MATR3: variants seen among roughly 807,000 people sequenced by gnomAD.
The protein encoded by MATR3 is matrin 3, also known as matrin-3.
Under a neutral mutation model 85.5 loss-of-function variants are expected in MATR3, and 4 were observed. The ratio of observed to expected loss-of-function variants is 0.05; its 90% confidence interval spans 0.02 to 0.11. The LOEUF (loss-of-function observed/expected upper bound fraction) is 0.11. Ranked by LOEUF, MATR3 falls within the 10% of genes least tolerant of loss-of-function variation. The pLI, the probability that MATR3 is intolerant of heterozygous loss-of-function variation, is 1.00. For missense variants in MATR3, 685 were observed against 1,016.1 expected, an observed-to-expected ratio of 0.67 and a Z score of 4.43; for synonymous variants, 336 against 343.1, an observed-to-expected ratio of 0.98 and a Z score of 0.23.
In MATR3 at chr5:139,325,154, C is replaced by T; in HGVS notation, c.2149-286C>T. 12 of 1,185,706 alleles carry T rather than the reference C, an allele frequency of 1.0e-5. No homozygotes were observed. In the East Asian group the frequency reaches 1.0e-4, roughly 10 times the overall value. 73.4% of individuals were successfully genotyped at this position (1,185,706 alleles called of 1,614,324 possible). A position where few individuals can be genotyped will look rare whatever the true frequency, so the allele number is the denominator to read the frequency against. ...GTTGCAGTGAGCCGAGATCGCGCCA[C>T]TGCACCCCAGCCTGGTCGACAGAGC... is the stretch of plus-strand genomic sequence containing the variant. On this transcript the variant is annotated intron_variant, in intron 12 of 14. Coordinates refer to ENST00000394805, the MANE Select transcript of MATR3 (RefSeq NM_018834.6).
intron 1 of MATR3, chr5:139,299,815 A>AG (rs748535284): frequency 1.3e-5 from 2 of 152,154 alleles, no homozygotes; most frequent in African/African-American, 2.4e-5. Context: ...AAAAAGCAGG[A>AG]GGACTAAGAT....
intron 5 of MATR3, 137 bp downstream of exon 5, chr5:139,316,325 A>C (rs1039957405): frequency 2.5e-5 from 17 of 675,920 alleles, no homozygotes; most frequent in Non-Finnish European, 4.0e-5. Context: ...GACTCACTGC[A>C]ACCTCTGCCT....
Position 139,319,336 on chromosome 5 carries a change from A to G in MATR3, c.1437A>G (p.Lys479=). Residue 479 remains lysine (K), a splice_region_variant and synonymous_variant, in exon 9 of 15, where the codon AAA becomes AAG. Transcript: ENST00000394805. ...HLSQKYKRIK[K]PEGKPDQKFD... ...TTTGTTGTTGTTATTTATTAAAGAA[A>G]CCTGAAGGAAAGCCAGATCAGAAGT... 1 of 1,614,080 alleles carries G rather than the reference A, an allele frequency of 6.2e-7. No individual in the cohort carries two copies. The highest frequency in any genetic ancestry group is 1.1e-5 in the South Asian group (1 of 91,082).
intron 3 of MATR3, among the ~76,000 whole-genome samples, chr5:139,287,592 C>T (rs1326833423): frequency 6.6e-6 from 1 of 152,094 alleles, no homozygotes; most frequent in Non-Finnish European, 1.5e-5. Flanking sequence ...GCACACTAGC[C>T]TGGGCAACGA....
At chr5:139,274,109 C>T (rs943950615) in exon 1 of MATR3, 4 of 450,254 alleles carry the variant, frequency 8.9e-6, no homozygotes, top group South Asian at 1.6e-5. Context: ...TGCCCTTTCC[C>T]CTCCGGCCTC....
chr5:139,325,728 A>G lies in MATR3; in HGVS notation c.2371+66A>G, dbSNP rs1581262220. On this transcript the variant is annotated intron_variant, in intron 13 of 14. Coordinates refer to ENST00000394805, the MANE Select transcript of MATR3 (RefSeq NM_018834.6). ...TCAAAACAAACTCTTAGGTTTTAAA[A>G]TAAGATTTTAAAGTTGGTCTTACAT... The G allele has an allele frequency of 1.8e-5, 25 of 1,425,816 alleles. No homozygotes were observed. In the East Asian group the frequency reaches 4.4e-4, roughly 25 times the overall value. The allele number at this position is 1,425,816 out of a possible 1,614,324, so 88.3% of individuals were successfully genotyped here. A position where few individuals can be genotyped will look rare whatever the true frequency, so the allele number is the denominator to read the frequency against.
chr5:139,301,413 G>A (rs949854055), intron 1 of MATR3, among the ~76,000 whole-genome samples: 2 of 151,768 alleles, frequency 1.3e-5, no homozygotes, highest in Admixed American at 6.6e-5. Context: ...TCCACCTCCC[G>A]GGTTCAAGAG....
Position 139,319,512 on chromosome 5 carries a change from T to C in MATR3, c.1602+11T>C. On this transcript the variant is annotated intron_variant, in intron 9 of 14. Transcript: ENST00000394805. Reference sequence around the variant, plus strand: ...AGGATGAAAAGTCAGGTAATATACATAAGGAAGTTTTAGAGAAGATAATTT... The same window carrying C: ...AGGATGAAAAGTCAGGTAATATACACAAGGAAGTTTTAGAGAAGATAATTT... The C allele has an allele frequency of 6.3e-7, 1 of 1,599,800 alleles. No individual in the cohort carries two copies. The highest frequency in any genetic ancestry group is 1.3e-5 in the African/African-American group (1 of 74,740).
rs746292862 is a variant in MATR3 at position 139,279,106 on chromosome 5, C to G, written c.-201C>G. The G allele has an allele frequency of 1.3e-5, 6 of 455,210 alleles. No individual in the cohort carries two copies. The East Asian group carries it at 4.2e-4, about 32-fold the overall frequency. The allele number at this position is 455,210 out of a possible 1,614,324, so 28.2% of individuals were successfully genotyped here. A position where few individuals can be genotyped will look rare whatever the true frequency, so the allele number is the denominator to read the frequency against. ...TCAGGACCCCAGATGTCTGACAGCC[C>G]TGTGTGACACCAAGATAAGTAACGT... On this transcript the variant is annotated 5_prime_UTR_variant, in exon 3 of 17. Transcript: ENST00000509990.
intron 1 of MATR3, among the ~76,000 whole-genome samples, chr5:139,296,882 C>G (rs965586255): frequency 6.6e-6 from 1 of 152,202 alleles, no homozygotes; most frequent in African/African-American, 2.4e-5. Flanking sequence ...GCAACAGGTT[C>G]TAAAAGTGGA....
chr5:139,292,936 C>A (rs1355488916), upstream of MATR3, among the ~76,000 whole-genome samples: 1 of 151,962 alleles, frequency 6.6e-6, no homozygotes, highest in Non-Finnish European at 1.5e-5. Context: ...GAGTGAGACT[C>A]CGTCTCAAAA....
chr5:139,325,792 G>A, intron 13 of MATR3, 130 bp downstream of exon 13: 1 of 779,874 alleles, frequency 1.3e-6, no homozygotes, highest in Non-Finnish European at 2.2e-6. Flanking sequence ...TGTTTCTATG[G>A]GGAACAATTT....
At chr5:139,323,952 C>A (rs1274116811) in intron 12 of MATR3, among the ~76,000 whole-genome samples, 1 of 151,544 alleles carries the variant, frequency 6.6e-6, no homozygotes, top group Non-Finnish European at 1.5e-5. Flanking sequence ...TCCATTGGTT[C>A]CTTTTATGCA....
chr5:139,302,993 G>A (rs1210676621), intron 1 of MATR3, among the ~76,000 whole-genome samples: 1 of 150,326 alleles, frequency 6.7e-6, no homozygotes, highest in Non-Finnish European at 1.5e-5. Flanking sequence ...TAGTTTTATG[G>A]TTAAACCATA....
At chr5:139,299,524 A>T (rs1419488488) in intron 1 of MATR3, among the ~76,000 whole-genome samples, 1 of 152,092 alleles carries the variant, frequency 6.6e-6, no homozygotes, top group East Asian at 1.9e-4. Flanking sequence ...AAATGTTAAA[A>T]ATTAGTCGGG....
chr5:139,321,067 T>C (rs928845777), intron 9 of MATR3, among the ~76,000 whole-genome samples: 2 of 151,610 alleles, frequency 1.3e-5, no homozygotes, highest in Non-Finnish European at 2.9e-5. Context: ...CTTATTACTT[T>C]TTTGCAGAGT....
chr5:139,310,837 G>C (rs1435440995), intron 2 of MATR3: 2 of 145,584 alleles, frequency 1.4e-5, no homozygotes, highest in Non-Finnish European at 3.0e-5. Context: ...CACTTTTGTT[G>C]CCCAGGCTGT....
intron 12 of MATR3, among the ~76,000 whole-genome samples, chr5:139,323,267 G>T (rs1755672081): frequency 6.6e-6 from 1 of 151,932 alleles, no homozygotes; most frequent in South Asian, 2.1e-4. Context: ...ATATAGGTAG[G>T]CAGCCTTATA....
chr5:139,304,159 AC>A (rs112948464), intron 1 of MATR3, among the ~76,000 whole-genome samples: 13 of 152,330 alleles, frequency 8.5e-5, no homozygotes, highest in African/African-American at 2.9e-4. Context: ...ATTTTAAGTT[AC>A]AGTTTGTTTT....
Sources: allele counts gnomAD v4.1 joint callset (sites outside exome capture counted in the v4.1 genomes callset), GRCh38; gene constraint gnomAD v4.1.1; transcripts MANE v1.5; gene names NCBI Gene and HGNC (gene_info 2026-07-23, HGNC 2026-07-21).